Variants in ANKRD30B observed in about 807,000 individuals in gnomAD.
The protein encoded by ANKRD30B is ankyrin repeat domain 30B, also known as ankyrin repeat domain-containing protein 30B.
A neutral mutation model predicts 202.2 loss-of-function variants in ANKRD30B; 144 were observed. That is an observed-to-expected ratio of 0.71 (90% CI 0.62 to 0.82). The LOEUF is 0.82. Ranked by LOEUF, ANKRD30B falls within the 40% of genes least tolerant of loss-of-function variation. ANKRD30B has a pLI of 0.00. For synonymous variants in ANKRD30B, 508 were observed against 561.3 expected (o/e 0.91, Z 1.34); for missense variants, 1,487 against 1,669.1 (o/e 0.89, Z 1.90).
intron 4 of ANKRD30B, 144 bp downstream of exon 4, chr18:14,755,149 A>C: frequency 1.9e-6 from 1 of 515,300 alleles, no homozygotes; most frequent in Non-Finnish European, 3.3e-6. Context: ...TATCAGAAGA[A>C]AAGCAATTAT....
chr18:14,863,451 C>G, the ANKRD30B span, among the ~76,000 whole-genome samples: 13 of 151,998 alleles, frequency 8.6e-5, no homozygotes, highest in Non-Finnish European at 1.8e-4. Flanking sequence ...ACTTTGCCTT[C>G]CTCTGTGATT....
At chr18:14,881,703 T>C in the ANKRD30B span, among the ~76,000 whole-genome samples, 1 of 152,120 alleles carries the variant, frequency 6.6e-6, no homozygotes, top group African/African-American at 2.4e-5. Flanking sequence ...GAATGTCTGG[T>C]AGAATTCTGC....
the ANKRD30B span, among the ~76,000 whole-genome samples, chr18:14,860,497 G>C: frequency 4.2e-5 from 6 of 142,650 alleles, no homozygotes. Flanking sequence ...CCTCCCAGAT[G>C]GGGTGGCTGG....
chr18:14,765,000 A>C (rs1915882951), intron 7 of ANKRD30B, among the ~76,000 whole-genome samples: 1 of 152,198 alleles, frequency 6.6e-6, no homozygotes, highest in Non-Finnish European at 1.5e-5. Context: ...TGCAGCAAAA[A>C]AAGAATAAAT....
intron 34 of ANKRD30B, among the ~76,000 whole-genome samples, chr18:14,832,249 T>A (rs1413204873): frequency 6.6e-6 from 1 of 152,202 alleles, no homozygotes; most frequent in African/African-American, 2.4e-5. Context: ...TTTCTCAGAA[T>A]CTGTATTATT....
Position 14,752,548 on chromosome 18 carries a change from G to T in ANKRD30B, c.222-18G>T, listed in dbSNP as rs760373558. On this transcript the variant is annotated intron_variant, in intron 1 of 43. Coordinates refer to ENST00000690538, the MANE Select transcript of ANKRD30B (RefSeq NM_001367607.2). ...ACAGTGGGCTATACTTTGCCTAAAA[G>T]TCCTCTCACTCTCGTAGGACTGCTC... 1.9e-5 allele frequency: 30 copies of T among 1,598,608 alleles called. No individual in the cohort carries two copies. Among genetic ancestry groups the T allele is most frequent in the Non-Finnish European group, 2.4e-5 (28 of 1,172,204 alleles).
rs748164648 is a variant in ANKRD30B, at chr18:14,851,888, GAA to G, written c.3949_3950del (p.Asn1317ProfsTer20). The G allele has an allele frequency of 4.4e-6, 7 of 1,591,660 alleles. No individual in the cohort carries two copies. Among genetic ancestry groups the G allele is most frequent in the African/African-American group, 1.4e-5 (1 of 73,608 alleles). ...GACCATGATCAAAGTGTCACATCAA[GAA>G]AAAACCAAGAACTTGCTTTCCACAG... On this transcript the variant is annotated frameshift_variant, in exon 42 of 44. Transcript: ENST00000690538. LOFTEE classifies it high-confidence loss of function.
intron 14 of ANKRD30B, among the ~76,000 whole-genome samples, chr18:14,785,536 TTAA>T (rs1294387534): frequency 6.6e-6 from 1 of 152,320 alleles, no homozygotes; most frequent in South Asian, 2.1e-4. Context: ...TTATTAGAAA[TTAA>T]AAGTAAAATA....
chr18:14,766,792 T>A (rs1916298365), intron 7 of ANKRD30B, among the ~76,000 whole-genome samples: 1 of 152,190 alleles, frequency 6.6e-6, no homozygotes, highest in African/African-American at 2.4e-5. Context: ...CCTGGGAGTA[T>A]CAACATTTCA....
the ANKRD30B span, among the ~76,000 whole-genome samples, chr18:14,901,760 CA>C: frequency 4.6e-5 from 7 of 152,068 alleles, no homozygotes; most frequent in Non-Finnish European, 8.8e-5. Flanking sequence ...TGTGATAGGG[CA>C]ATTAGGAGTA....
At chr18:14,850,056 T>C (rs58056727) in intron 40 of ANKRD30B, among the ~76,000 whole-genome samples, 158 bp from the exon 41 acceptor site, 5,678 of 151,520 alleles carry the variant, frequency 0.037, 344 homozygotes, top group African/African-American at 0.13. Flanking sequence ...TTGGAAGAGG[T>C]TACGGAGTAA....
intron 20 of ANKRD30B, among the ~76,000 whole-genome samples, chr18:14,798,692 A>T (rs746650347): frequency 8.5e-5 from 13 of 152,094 alleles, no homozygotes; most frequent in Non-Finnish European, 1.6e-4. Context: ...GTAGCATTCC[A>T]TTCCCAGAGC....
chr18:14,921,202 G>T, the ANKRD30B span, among the ~76,000 whole-genome samples: 3 of 151,864 alleles, frequency 2.0e-5, no homozygotes, highest in Non-Finnish European at 4.4e-5. Context: ...GGAGAGGGCA[G>T]GAGACACATG....
At chr18:14,866,866 CG>C in the ANKRD30B span, among the ~76,000 whole-genome samples, 37 of 151,382 alleles carry the variant, frequency 2.4e-4, no homozygotes, top group East Asian at 6.5e-3. Context: ...CTACCAGCGG[CG>C]GGTGGCAGGG....
intron 6 of ANKRD30B, among the ~76,000 whole-genome samples, chr18:14,761,499 T>C (rs1474078491): frequency 6.6e-6 from 1 of 152,214 alleles, no homozygotes. Context: ...AAACAAGCTA[T>C]TTAGATAAAC....
chr18:14,817,684 G>T (rs1203244108), intron 30 of ANKRD30B, among the ~76,000 whole-genome samples: 2 of 152,126 alleles, frequency 1.3e-5, no homozygotes, highest in Non-Finnish European at 2.9e-5. Context: ...TAGTGAGGAT[G>T]TACATTTATC....
intron 9 of ANKRD30B, among the ~76,000 whole-genome samples, chr18:14,773,914 A>G (rs1967185772): frequency 6.6e-6 from 1 of 152,134 alleles, no homozygotes; most frequent in Admixed American, 6.6e-5. Context: ...TTGGCCTCCC[A>G]AAGTGCTGGG....
intron 16 of ANKRD30B, among the ~76,000 whole-genome samples, chr18:14,793,565 A>AT (rs1449987426): frequency 2.0e-5 from 3 of 151,910 alleles, no homozygotes; most frequent in East Asian, 1.9e-4. Flanking sequence ...GCAACTTTTT[A>AT]TTTTTTGTTC....
chr18:14,816,642 GAAAAAAAA>G (rs373500149), intron 30 of ANKRD30B: 1 of 86,752 alleles, frequency 1.2e-5, no homozygotes, highest in African/African-American at 3.8e-5. Flanking sequence ...CAGACTCTGT[GAAAAAAAA>G]AAAAAAAAAA....
Sources: allele counts gnomAD v4.1 joint callset (sites outside exome capture counted in the v4.1 genomes callset), GRCh38; gene constraint gnomAD v4.1.1; transcripts MANE v1.5; gene names NCBI Gene and HGNC (gene_info 2026-07-23, HGNC 2026-07-21).